CCDC88B: variants seen among roughly 807,000 people sequenced by gnomAD.
The protein encoded by CCDC88B is coiled-coil domain-containing protein 88B.
CCDC88B carries 138 observed loss-of-function variants against 183.7 expected under a neutral mutation model. That is an observed-to-expected ratio of 0.75 (90% CI 0.65 to 0.87). CCDC88B has a LOEUF of 0.87. CCDC88B is among the 40% of genes least tolerant of loss of function. The pLI, the probability that CCDC88B is intolerant of heterozygous loss-of-function variation, is 0.00. For missense variants in CCDC88B, 1,822 were observed against 1,965.6 expected (o/e 0.93, Z 1.38); for synonymous variants, 835 against 867.5 (o/e 0.96, Z 0.66).
Position 64,344,189 on chromosome 11 carries a change from G to T in CCDC88B, c.1648G>T (p.Ala550Ser). ...CGAGGCATCAGCTGAGTGTCCCCAG[G>T]CACCTGATTCAGACCCACAGGAGGC... ...VLEASAECPQ[A>S]PDSDPQEAES... Residue 550 changes from alanine (A) to serine (S), a missense_variant, in exon 14 of 27, where the codon GCA becomes TCA. By Grantham distance (99) the Ala-to-Ser change is moderately conservative. Transcript: ENST00000356786. The surrounding 1 kb of genome is among the most constrained non-coding windows in gnomAD (Gnocchi z 4.5). 1.2e-6 allele frequency: 2 copies of T among 1,612,074 alleles called. No individual in the cohort carries two copies. Among genetic ancestry groups the T allele is most frequent in the Non-Finnish European group, 1.7e-6 (2 of 1,179,244 alleles).
intron 17 of CCDC88B, 99 bp downstream of exon 17, chr11:64,351,354 G>A: frequency 6.6e-7 from 1 of 1,516,940 alleles, no homozygotes; most frequent in Non-Finnish European, 8.9e-7. Context: ...CGTGCAGTGT[G>A]AGTGTGGACT....
chr11:64,353,454 TGGAGAGTC>T lies in CCDC88B; in HGVS notation c.3794_3801del (p.Glu1265GlyfsTer15). The T allele has an allele frequency of 6.2e-7, 1 of 1,612,744 alleles. No individual in the cohort carries two copies. The highest frequency in any genetic ancestry group is 2.2e-5 in the East Asian group (1 of 44,862). ...AACAGGGAGCTCCTGGAGCGCAGCC[TGGAGAGTC>T]GGGACCACCTGCACCGCGAACAGCG... is the stretch of plus-strand genomic sequence containing the variant. On this transcript the variant is annotated frameshift_variant, in exon 22 of 27. Transcript: ENST00000356786. LOFTEE classifies it high-confidence loss of function.
chr11:64,357,334 C>T lies in CCDC88B; in HGVS notation c.*240C>T, dbSNP rs1017852156. ...GCAGCTCCAGGCTGGAGTTCTGGTTCTTCCAGGTGGCTCCCGCTGAGGCAG... is the reference window on the plus strand; with the variant it reads ...GCAGCTCCAGGCTGGAGTTCTGGTTTTTCCAGGTGGCTCCCGCTGAGGCAG... On this transcript the variant is annotated 3_prime_UTR_variant, in exon 27 of 27. Coordinates refer to ENST00000356786, the MANE Select transcript of CCDC88B (RefSeq NM_032251.6). 2 of 719,852 alleles carry T rather than the reference C, an allele frequency of 2.8e-6. 1 individual carries two copies. Among genetic ancestry groups the T allele is most frequent in the Non-Finnish European group, 5.2e-6 (2 of 387,228 alleles). The allele number at this position is 719,852 out of a possible 1,614,324, so 44.6% of individuals were successfully genotyped here.
chr11:64,346,671 A>C (rs948138417), intron 14 of CCDC88B, among the ~76,000 whole-genome samples: 40 of 151,808 alleles, frequency 2.6e-4, no homozygotes, highest in African/African-American at 9.4e-4. Flanking sequence ...CGATCTCCTG[A>C]CCTCGTGATC....
Position 64,357,507 on chromosome 11 carries a change from A to G in CCDC88B, c.*413A>G. 1 of 698,258 alleles carries G rather than the reference A, an allele frequency of 1.4e-6. No homozygotes were observed. 43.3% of individuals were successfully genotyped at this position (698,258 alleles called of 1,614,324 possible). A position where few individuals can be genotyped will look rare whatever the true frequency, so the allele number is the denominator to read the frequency against. ...GCCTTAACTGGACATGAGGGGCATG[A>G]GAATAAAGCTGAACTGCAGCCTCCT... On this transcript the variant is annotated 3_prime_UTR_variant, in exon 27 of 27. Transcript: ENST00000356786.
chr11:64,342,447 C>T (rs759653804), intron 9 of CCDC88B, 72 bp downstream of exon 9: 80 of 1,543,598 alleles, frequency 5.2e-5, no homozygotes, highest in Non-Finnish European at 6.7e-5. Context: ...GCCTCCCTCC[C>T]AACCCGGCTC....
At position 64,341,093 on chromosome 11, in the gene CCDC88B, G is replaced by A; in HGVS notation, c.319-16G>A. 2 of 1,614,102 alleles carry A rather than the reference G, an allele frequency of 1.2e-6. No homozygotes were observed. Among genetic ancestry groups the A allele is most frequent in the South Asian group, 2.2e-5 (2 of 91,080 alleles). Reference sequence around the variant, plus strand: ...TTCGGGAAGGCGCCTCATATAGTCTGCCTCTCTGCCTCCAGGAGGAGCTGC... The same window carrying A: ...TTCGGGAAGGCGCCTCATATAGTCTACCTCTCTGCCTCCAGGAGGAGCTGC... On this transcript the variant is annotated splice_polypyrimidine_tract_variant and intron_variant, in intron 3 of 26. Coordinates refer to ENST00000356786, the MANE Select transcript of CCDC88B (RefSeq NM_032251.6).
intron 26 of CCDC88B, chr11:64,356,714 A>G (rs1174911766): frequency 1.8e-5 from 7 of 387,620 alleles, no homozygotes; most frequent in Non-Finnish European, 3.2e-5. Context: ...TGCTCTGGGA[A>G]GAAAGGAGAG....
rs148630323 is a variant in CCDC88B at position 64,355,359 on chromosome 11, G to A, written c.4265G>A (p.Arg1422His). The change falls in exon 25 of 27, where the codon CGC becomes CAC. Residue 1422 changes from arginine (R) to histidine (H), a missense_variant. Transcript: ENST00000356786. Reference sequence around the variant, plus strand: ...ACCCCTAGGCAACGATTCCGACAGCGCCATCCAGGCCCCCTGGGGGCGCCC... The same window carrying A: ...ACCCCTAGGCAACGATTCCGACAGCACCATCCAGGCCCCCTGGGGGCGCCC... ...GDTPRQRFRQ[R>H]HPGPLGAPVS... 1.1e-4 allele frequency: 172 copies of A among 1,590,340 alleles called. No homozygotes were observed. Among genetic ancestry groups the A allele is most frequent in the Admixed American group, 7.3e-4 (41 of 56,434 alleles).
intron 16 of CCDC88B, chr11:64,350,443 T>C (rs1392118713): frequency 6.6e-6 from 1 of 151,068 alleles, no homozygotes; most frequent in Non-Finnish European, 1.5e-5. Flanking sequence ...CCGAGGCAGA[T>C]GGATCATGAG....
rs763150544 is a variant in CCDC88B at position 64,353,512 on chromosome 11, G to A, written c.3833+16G>A. 4 of 1,608,594 alleles carry A rather than the reference G, an allele frequency of 2.5e-6. No homozygotes were observed. Among genetic ancestry groups the A allele is most frequent in the Non-Finnish European group, 2.5e-6 (3 of 1,178,574 alleles). On this transcript the variant is annotated intron_variant, in intron 22 of 26. Coordinates refer to ENST00000356786, the MANE Select transcript of CCDC88B (RefSeq NM_032251.6). Reference sequence around the variant, plus strand: ...GGGAGTACCTGTGAGTGGGCCGCCTGGGAGCGGGGTGGGGCCTGCATCCCC... The same window carrying A: ...GGGAGTACCTGTGAGTGGGCCGCCTAGGAGCGGGGTGGGGCCTGCATCCCC...
At position 64,343,931 on chromosome 11, in the gene CCDC88B, AG is replaced by A; in HGVS notation, c.1455+20del. The A allele has an allele frequency of 6.3e-7, 1 of 1,588,412 alleles. No individual in the cohort carries two copies. Among genetic ancestry groups the A allele is most frequent in the Non-Finnish European group, 8.6e-7 (1 of 1,166,286 alleles). On this transcript the variant is annotated intron_variant, in intron 13 of 26. Transcript: ENST00000356786. ...GGGGGCCAGGTAAGTCCCCTCCCCC[AG>A]GGTCCTGGCCGGCCCTTCCCCTAGT...
intron 24 of CCDC88B, 85 bp from the exon 25 acceptor site, chr11:64,355,109 T>TC: frequency 4.3e-6 from 2 of 461,558 alleles, no homozygotes; most frequent in Non-Finnish European, 5.2e-6. Flanking sequence ...AGCCTCAGCC[T>TC]CCCCCCATTC....
Position 64,341,713 on chromosome 11 carries a change from C to G in CCDC88B, c.646C>G (p.Leu216Val), listed in dbSNP as rs1356727097. The G allele has an allele frequency of 1.9e-6, 3 of 1,589,202 alleles. No homozygotes were observed. Among genetic ancestry groups the G allele is most frequent in the Non-Finnish European group, 2.6e-6 (3 of 1,170,546 alleles). The change falls in exon 7 of 27, where the codon CTG becomes GTG. Residue 216 changes from leucine to valine, a missense_variant. Coordinates refer to ENST00000356786, the MANE Select transcript of CCDC88B (RefSeq NM_032251.6). ...SRSLMGTLSK[L>V]ARERDLGAQR... ...GAGCCTGATGGGGACACTGTCGAAG[C>G]TGGCACGGGAGCGTGACCTGGGGGC...
chr11:64,340,850 C>T (rs963855792), intron 2 of CCDC88B, 57 bp from the exon 3 acceptor site: 5 of 1,536,008 alleles, frequency 3.3e-6, no homozygotes, highest in East Asian at 2.3e-5. Flanking sequence ...GCCTGAGGGA[C>T]GGTGGGCGAG....
At chr11:64,351,650 T>G (rs781763024) in intron 18 of CCDC88B, 34 bp downstream of exon 18, 2 of 1,528,338 alleles carry the variant, frequency 1.3e-6, no homozygotes, top group African/African-American at 2.7e-5. Flanking sequence ...TCCCTGCCCA[T>G]GTACTGCCCC....
At chr11:64,354,589 A>G (rs1356684930) in intron 24 of CCDC88B, among the ~76,000 whole-genome samples, 2 of 98,960 alleles carry the variant, frequency 2.0e-5, no homozygotes, top group Admixed American at 1.1e-4. Flanking sequence ...CTTCTCCCCC[A>G]CCTCTGCACC....
chr11:64,341,468 C>G lies in CCDC88B; in HGVS notation c.495C>G (p.Leu165=), dbSNP rs1274099869. ...LFIRHIQGLS[L]EVQSELAAAI... is the part of the protein sequence containing the mutation. ...TCCGCCACATCCAGGGCCTCAGTCTCGAGGTCCAGAGCGAGCTGGCCGCTG... is the reference window on the plus strand; with the variant it reads ...TCCGCCACATCCAGGGCCTCAGTCTGGAGGTCCAGAGCGAGCTGGCCGCTG... The change falls in exon 6 of 27, where the codon CTC becomes CTG. Residue 165 remains leucine (L), a synonymous_variant. Transcript: ENST00000356786. 1.9e-6 allele frequency: 3 copies of G among 1,613,938 alleles called. No homozygotes were observed. Among genetic ancestry groups the G allele is most frequent in the Middle Eastern group, 1.6e-4 (1 of 6,062 alleles).
At chr11:64,352,091 T>C in intron 18 of CCDC88B, 39 bp from the exon 19 acceptor site, 11 of 1,513,808 alleles carry the variant, frequency 7.3e-6, no homozygotes, top group Non-Finnish European at 9.7e-6. Flanking sequence ...CAGCCAGGGG[T>C]TCCTCCCCAG....
Sources: allele counts gnomAD v4.1 joint callset (sites outside exome capture counted in the v4.1 genomes callset), GRCh38; gene constraint gnomAD v4.1.1; non-coding constraint Gnocchi (gnomAD v3.1); transcripts MANE v1.5; gene names NCBI Gene and HGNC (gene_info 2026-07-23, HGNC 2026-07-21).